Variants in LINGO2 observed in about 807,000 individuals in gnomAD.
LINGO2 encodes the protein leucine-rich repeat and immunoglobulin-like domain-containing nogo receptor-interacting protein 2.
A neutral mutation model predicts 30.6 loss-of-function variants in LINGO2; 14 were observed. That is an observed-to-expected ratio of 0.46 (90% CI 0.30 to 0.72). The LOEUF is 0.72. Ranked by LOEUF, LINGO2 falls within the 30% of genes least tolerant of loss-of-function variation. The pLI is 0.07. For missense variants in LINGO2, 729 were observed against 751.7 expected, an observed-to-expected ratio of 0.97 and a Z score of 0.35; for synonymous variants, 317 against 288.5, an observed-to-expected ratio of 1.10 and a Z score of -1.00.
intron 4 of LINGO2, among the ~76,000 whole-genome samples, chr9:28,291,504 G>C (rs1044234907): frequency 6.6e-6 from 1 of 152,180 alleles, no homozygotes; most frequent in Non-Finnish European, 1.5e-5. Context: ...GGAAGTTATA[G>C]TCTAATAGCT....
chr9:28,020,675 G>A (rs1823073075), intron 4 of LINGO2, among the ~76,000 whole-genome samples: 1 of 152,180 alleles, frequency 6.6e-6, no homozygotes, highest in African/African-American at 2.4e-5. Context: ...TCTGGGCCTG[G>A]TGCATTATTT....
intron 1 of LINGO2, among the ~76,000 whole-genome samples, chr9:28,481,831 T>A (rs1254574149): frequency 6.6e-6 from 1 of 150,460 alleles, no homozygotes; most frequent in Non-Finnish European, 1.5e-5. Context: ...TGTCCATGTG[T>A]TCTCATTGTT....
At chr9:28,250,861 G>T (rs921586190) in intron 4 of LINGO2, among the ~76,000 whole-genome samples, 2 of 152,050 alleles carry the variant, frequency 1.3e-5, no homozygotes, top group African/African-American at 4.8e-5. Flanking sequence ...GCTACCCAGT[G>T]ATAATGAGGC....
chr9:28,678,816 T>C, the LINGO2 span, among the ~76,000 whole-genome samples: 8 of 152,196 alleles, frequency 5.3e-5, no homozygotes, highest in African/African-American at 1.9e-4. Context: ...GCTCTGGCTA[T>C]ATTGTTACCC....
the LINGO2 span, among the ~76,000 whole-genome samples, chr9:29,191,824 A>T: frequency 6.6e-6 from 1 of 152,182 alleles, no homozygotes; most frequent in South Asian, 2.1e-4. Context: ...AAATATTAGC[A>T]GTACATTATG....
At chr9:27,964,490 A>G (rs1820002162) in intron 5 of LINGO2, among the ~76,000 whole-genome samples, 1 of 152,102 alleles carries the variant, frequency 6.6e-6, no homozygotes, top group South Asian at 2.1e-4. Flanking sequence ...TCTGTATAAA[A>G]ATTAGCTGAA....
the LINGO2 span, among the ~76,000 whole-genome samples, chr9:29,133,880 G>C: frequency 6.6e-6 from 1 of 152,014 alleles, no homozygotes; most frequent in South Asian, 2.1e-4. Context: ...GCTATACAAT[G>C]AGATTTATTT....
intron 4 of LINGO2, among the ~76,000 whole-genome samples, chr9:28,074,773 G>A (rs927928924): frequency 6.6e-6 from 1 of 151,962 alleles, no homozygotes; most frequent in Non-Finnish European, 1.5e-5. Flanking sequence ...CTTAACATGG[G>A]TGACTTTAAA....
the LINGO2 span, among the ~76,000 whole-genome samples, chr9:29,187,146 TCA>T: frequency 6.6e-6 from 1 of 152,292 alleles, no homozygotes; most frequent in South Asian, 2.1e-4. Context: ...CCCTGCTGTA[TCA>T]CAGTCCTACA....
intron 1 of LINGO2, among the ~76,000 whole-genome samples, chr9:28,578,650 T>C (rs1824108149): frequency 6.6e-6 from 1 of 152,068 alleles, no homozygotes; most frequent in African/African-American, 2.4e-5. Context: ...ATATCCTTCT[T>C]TTATTGGTCA....
chr9:28,624,902 AG>A (rs1826590390), intron 1 of LINGO2, among the ~76,000 whole-genome samples: 1 of 151,348 alleles, frequency 6.6e-6, no homozygotes, highest in Admixed American at 6.6e-5. Context: ...AGCAGAAGGA[AG>A]GAGTTACTTT....
At chr9:28,651,410 C>T (rs1389119837) in intron 1 of LINGO2, among the ~76,000 whole-genome samples, 6 of 152,086 alleles carry the variant, frequency 3.9e-5, no homozygotes, top group Non-Finnish European at 7.4e-5. Context: ...GACTAGCCAT[C>T]GGGTTGTCTC....
chr9:28,108,655 G>A lies in LINGO2; in HGVS notation c.-86-96250C>T, dbSNP rs572734874. Among the ~76,000 whole-genome samples, 3 of 152,212 alleles carry A rather than the reference G, an allele frequency of 2.0e-5. No homozygotes were observed. The South Asian group carries it at 6.2e-4, about 32-fold the overall frequency. On this transcript the variant is annotated intron_variant, in intron 4 of 5. Transcript: ENST00000379992. ...TTTGTTCAGAGTAAAAAAGGCAATAGTACAGAATGCAACCTGGAACTATTA... is the reference window on the plus strand; with the variant it reads ...TTTGTTCAGAGTAAAAAAGGCAATAATACAGAATGCAACCTGGAACTATTA...
chr9:28,137,588 T>A (rs1587062790), intron 4 of LINGO2, among the ~76,000 whole-genome samples: 1 of 152,024 alleles, frequency 6.6e-6, no homozygotes, highest in East Asian at 1.9e-4. Flanking sequence ...TTTATATATA[T>A]TTTATATATT....
chr9:28,102,097 G>T (rs964418105), intron 4 of LINGO2, among the ~76,000 whole-genome samples: 6 of 151,878 alleles, frequency 4.0e-5, no homozygotes, highest in Non-Finnish European at 7.4e-5. Context: ...GACCACGTTG[G>T]AATCAAAACT....
chr9:29,186,640 T>C, the LINGO2 span, among the ~76,000 whole-genome samples: 1 of 152,108 alleles, frequency 6.6e-6, no homozygotes, highest in Non-Finnish European at 1.5e-5. Context: ...ATTATTAGTA[T>C]GGTTGACGCT....
intron 4 of LINGO2, among the ~76,000 whole-genome samples, chr9:28,095,635 A>T (rs1826221853): frequency 6.6e-6 from 1 of 152,114 alleles, no homozygotes; most frequent in African/African-American, 2.4e-5. Context: ...ATTACCATTC[A>T]GGACATAGGC....
intron 4 of LINGO2, among the ~76,000 whole-genome samples, chr9:28,269,634 G>T (rs1390466539): frequency 2.0e-5 from 3 of 151,814 alleles, no homozygotes; most frequent in Non-Finnish European, 2.9e-5. Flanking sequence ...CTTCAGGAAT[G>T]GCTTTTGAAT....
chr9:28,100,689 G>A (rs950146358), intron 4 of LINGO2, among the ~76,000 whole-genome samples: 8 of 152,110 alleles, frequency 5.3e-5, no homozygotes, highest in Admixed American at 4.6e-4. Context: ...TGTGCAAATT[G>A]AGGCTGTAGT....
Sources: allele counts gnomAD v4.1 joint callset (sites outside exome capture counted in the v4.1 genomes callset), GRCh38; gene constraint gnomAD v4.1.1; transcripts MANE v1.5; gene names NCBI Gene and HGNC (gene_info 2026-07-23, HGNC 2026-07-21).